The following CYFIP1 variants were observed in gnomAD, a reference collection of about 807,000 sequenced individuals.
CYFIP1 encodes the protein cytoplasmic FMR1 interacting protein 1, also known as cytoplasmic FMR1-interacting protein 1.
Under a neutral mutation model 163.5 loss-of-function variants are expected in CYFIP1, and 58 were observed. The ratio of observed to expected loss-of-function variants is 0.35; its 90% CI spans 0.29 to 0.44. CYFIP1 has a LOEUF of 0.44. CYFIP1 is among the 20% of genes least tolerant of loss of function. The probability of loss-of-function intolerance (pLI) is 1.00; values close to 1 mark genes in which losing one functional copy is unlikely to be tolerated. For synonymous variants in CYFIP1, 663 were observed against 660.7 expected, an observed-to-expected ratio of 1.00 and a Z score of -0.05; for missense variants, 1,338 against 1,653.8, an observed-to-expected ratio of 0.81 and a Z score of 3.31.
chr15:22,939,278 G>A lies in CYFIP1; in HGVS notation c.709C>T (p.Leu237Phe). The A allele has an allele frequency of 6.2e-7, 1 of 1,614,160 alleles. No homozygotes were observed. Among genetic ancestry groups the A allele is most frequent in the South Asian group, 1.1e-5 (1 of 91,088 alleles). ...QLEVISGYEE[L>F]LADIVNLCVD... Reference sequence around the variant, plus strand: ...CACAGATTCACAATATCTGCCAGGAGCTCTTCGTAGCCAGAAATCACTTCG... The same window carrying A: ...CACAGATTCACAATATCTGCCAGGAACTCTTCGTAGCCAGAAATCACTTCG... The change falls in exon 8 of 31, where the codon CTC becomes TTC. Residue 237 changes from leucine to phenylalanine, a missense_variant. Transcript: ENST00000617928.
At chr15:22,924,962 A>G (rs1482191183) in intron 13 of CYFIP1, among the ~76,000 whole-genome samples, 1 of 152,080 alleles carries the variant, frequency 6.6e-6, no homozygotes, top group Admixed American at 6.6e-5. Flanking sequence ...GTTTCAGCTA[A>G]TGGGGAGGCT....
rs543035863 is a variant in CYFIP1, at chr15:22,940,043, A to T, written c.570-536T>A. On this transcript the variant is annotated intron_variant, in intron 6 of 30. Transcript: ENST00000617928. ...GCCACCAATTTGTAGCTACACCCGT[A>T]CGTGAGGCCCAACAATACAATACTG... 5.3e-5 allele frequency among the ~76,000 whole-genome samples: 8 copies of T among 152,284 alleles called. No homozygotes were observed. In the South Asian group the frequency reaches 1.2e-3, roughly 24 times the overall value.
At chr15:22,906,498 C>T (rs2060587058) in intron 21 of CYFIP1, among the ~76,000 whole-genome samples, 3 of 138,502 alleles carry the variant, frequency 2.2e-5, no homozygotes, top group Admixed American at 1.5e-4. Context: ...CGGAGTCTCG[C>T]TCTGTTGCCC....
At chr15:22,905,506 T>A (rs2060541705) in intron 21 of CYFIP1, 1 of 151,864 alleles carries the variant, frequency 6.6e-6, no homozygotes, top group Non-Finnish European at 1.5e-5. Context: ...TTTTTTTTTT[T>A]TTGAGACAGA....
intron 8 of CYFIP1, 148 bp downstream of exon 8, chr15:22,939,044 G>C: frequency 1.1e-6 from 1 of 914,790 alleles, no homozygotes; most frequent in Non-Finnish European, 1.7e-6. Context: ...TGTTGTGCAG[G>C]CTGTGTGCAA....
intron 1 of CYFIP1, among the ~76,000 whole-genome samples, chr15:22,962,769 A>G (rs2062731566): frequency 6.6e-6 from 1 of 152,144 alleles, no homozygotes; most frequent in Non-Finnish European, 1.5e-5. Context: ...TATCATCTAT[A>G]TATAGTCACC....
At chr15:22,932,182 G>T in intron 11 of CYFIP1, 41 bp downstream of exon 11, 1 of 1,455,238 alleles carries the variant, frequency 6.9e-7, no homozygotes, top group South Asian at 1.2e-5. Flanking sequence ...ACACACAGGC[G>T]ACCCTCGGGT....
chr15:22,917,898 C>T lies in CYFIP1; in HGVS notation c.1564G>A (p.Glu522Lys), dbSNP rs1464133437. ...QAIRKTVCDW[E>K]TGHEPFNDPA... ...TCATTGAAGGGCTCATGCCCCGTCT[C>T]CCAGTCACACACGGTCTTCCTGATG... The change falls in exon 15 of 31, where the codon GAG becomes AAG. Residue 522 changes from glutamate (E) to lysine (K), a missense_variant. By Grantham distance (56) the Glu-to-Lys change is moderately conservative (BLOSUM62 1). Around this residue, in one of 4 missense-constraint regions of CYFIP1, gnomAD observed 824 missense variants for 995.7 expected, o/e 0.83. Transcript: ENST00000617928. This position sits in a 1 kb window ranked among gnomAD's most constrained non-coding sequence, Gnocchi z 4.2. 7 of 1,613,908 alleles carry T rather than the reference C, an allele frequency of 4.3e-6. No homozygotes were observed. The highest frequency in any genetic ancestry group is 3.4e-6 in the Non-Finnish European group (4 of 1,179,920).
At chr15:22,881,053 C>T (rs897386930) in intron 25 of CYFIP1, among the ~76,000 whole-genome samples, 1 of 152,308 alleles carries the variant, frequency 6.6e-6, no homozygotes, top group Admixed American at 6.5e-5. Context: ...CTGATGGCTA[C>T]TTCCCCATGG....
chr15:22,925,463 A>C (rs2061328337), intron 13 of CYFIP1, among the ~76,000 whole-genome samples: 1 of 152,184 alleles, frequency 6.6e-6, no homozygotes. Flanking sequence ...AATGAATTTC[A>C]GGTGAATTTC....
At chr15:22,890,349 C>T (rs1255829388) in intron 23 of CYFIP1, among the ~76,000 whole-genome samples, 1 of 151,608 alleles carries the variant, frequency 6.6e-6, no homozygotes, top group African/African-American at 2.4e-5. Context: ...TCAATCCTTG[C>T]TAGAAAGAAC....
rs535926724 is a variant in CYFIP1, at chr15:22,868,352, A to G, written c.*1676T>C. ...AGGACAGAGACTCATTTGAACATGC[A>G]TAGGTTAATAAATAATAAATTCTTA... On this transcript the variant is annotated 3_prime_UTR_variant, in exon 31 of 31. Coordinates refer to ENST00000617928, the MANE Select transcript of CYFIP1 (RefSeq NM_014608.6). 17 of 148,978 alleles carry G rather than the reference A, an allele frequency of 1.1e-4. No homozygotes were observed. In the South Asian group the frequency reaches 1.5e-3, roughly 13 times the overall value. The allele number at this position is 148,978 out of a possible 1,614,324, so 9.2% of individuals were successfully genotyped here.
At chr15:22,882,023 G>A in intron 24 of CYFIP1, 87 bp from the exon 25 acceptor site, 1 of 1,165,344 alleles carries the variant, frequency 8.6e-7, no homozygotes. Flanking sequence ...AAACAAGTCT[G>A]TTAGCAAAGA....
At chr15:22,967,457 T>C (rs1184729860) in intron 1 of CYFIP1, among the ~76,000 whole-genome samples, 1 of 152,178 alleles carries the variant, frequency 6.6e-6, no homozygotes, top group Non-Finnish European at 1.5e-5. Context: ...GGCCGACATA[T>C]GTGAAGAGGA....
chr15:22,914,686 C>T (rs761500407), intron 17 of CYFIP1, 40 bp downstream of exon 17: 16 of 1,571,032 alleles, frequency 1.0e-5, no homozygotes, highest in African/African-American at 1.4e-5. Context: ...CCCCCGGTCA[C>T]CACACACAAA....
intron 22 of CYFIP1, among the ~76,000 whole-genome samples, chr15:22,901,307 G>T (rs548809599): frequency 3.2e-4 from 49 of 152,064 alleles, no homozygotes; most frequent in African/African-American, 1.2e-3. Context: ...TAAAACGACC[G>T]GGACAAATTT....
rs534579721 is a variant in CYFIP1, at chr15:22,927,040, GA to G, written c.1233+865del. Among the ~76,000 whole-genome samples the G allele has an allele frequency of 1.9e-3, 293 of 152,154 alleles. 7 individuals carry two copies. The highest frequency in any genetic ancestry group is 0.019 in the Admixed American group (284 of 15,274). ...ATTTAAAGCAAAATAAAATTTAAAT[GA>G]AAAAATGAGACTTGGCCAGGTACAG... is the stretch of plus-strand genomic sequence containing the variant. On this transcript the variant is annotated intron_variant, in intron 12 of 30. Coordinates refer to ENST00000617928, the MANE Select transcript of CYFIP1 (RefSeq NM_014608.6).
At chr15:22,974,706 G>C (rs752767441) in intron 1 of CYFIP1, among the ~76,000 whole-genome samples, 24 of 152,252 alleles carry the variant, frequency 1.6e-4, no homozygotes, top group African/African-American at 5.5e-4. Context: ...CTCCAGCCTG[G>C]GTGACAGAGT....
intron 19 of CYFIP1, 43 bp from the exon 20 acceptor site, chr15:22,910,671 T>C (rs1009058895): frequency 1.9e-6 from 3 of 1,606,296 alleles, no homozygotes; most frequent in African/African-American, 2.7e-5. Context: ...ACGCCATAAA[T>C]TGTAATGGGA....
Sources: gnomAD v4.1 joint callset for allele counts (sites outside exome capture counted in the v4.1 genomes callset) on GRCh38, gnomAD v4.1.1 for gene constraint, gnomAD v4.1.1 regional missense constraint, Gnocchi (gnomAD v3.1) non-coding constraint, MANE v1.5 for transcripts, NCBI Gene and HGNC (gene_info 2026-07-23, HGNC 2026-07-21) for gene names.